The following CELF5 variants were observed in gnomAD, a reference collection of about 807,000 sequenced individuals.
The protein encoded by CELF5 is CUG-BP and ETR-3 like factor 5.
Under a neutral mutation model 54.9 loss-of-function variants are expected in CELF5, and 6 were observed. The observed-to-expected ratio is 0.11, with a 90% CI of 0.06 to 0.22. The LOEUF (loss-of-function observed/expected upper bound fraction) is 0.22. Ranked by LOEUF, CELF5 falls within the 10% of genes least tolerant of loss-of-function variation. The pLI, the probability that CELF5 is intolerant of heterozygous loss-of-function variation, is 1.00. For missense variants in CELF5, 401 were observed against 678.6 expected (o/e 0.59, Z 4.54); for synonymous variants, 271 against 290.9 (o/e 0.93, Z 0.70).
At chr19:3,229,523 A>G (rs28541344) in intron 1 of CELF5, among the ~76,000 whole-genome samples, 30,437 of 152,110 alleles carry the variant, frequency 0.2, 3,099 homozygotes, top group East Asian at 0.26. Flanking sequence ...CAGTTAGTGT[A>G]GGAGAGTCGT....
At chr19:3,271,837 G>A (rs1450664855) in intron 2 of CELF5, among the ~76,000 whole-genome samples, 1 of 152,080 alleles carries the variant, frequency 6.6e-6, no homozygotes, top group Non-Finnish European at 1.5e-5. Flanking sequence ...AGATCACGAG[G>A]GACAGAGCTC....
At chr19:3,284,841 C>G (rs1031972676) in intron 8 of CELF5, 61 bp from the exon 9 acceptor site, 3 of 1,430,686 alleles carry the variant, frequency 2.1e-6, no homozygotes, top group Non-Finnish European at 9.8e-7. Context: ...TCTTAAGGAT[C>G]GGGGGTGGAT....
At chr19:3,251,448 G>A (rs1331349541) in intron 2 of CELF5, among the ~76,000 whole-genome samples, 1 of 152,052 alleles carries the variant, frequency 6.6e-6, no homozygotes, top group East Asian at 1.9e-4. Context: ...ACAGGGAGGA[G>A]GCCCGTGTGG....
chr19:3,290,310 C>G lies in CELF5; in HGVS notation c.1266C>G (p.Pro422=). ...CGGAGCTGACGCAGATGTTCCTACC[C>G]TTCGGCAATATCATTTCCTCCAAGG... ...GDTELTQMFL[P]FGNIISSKVF... The change falls in exon 11 of 13, where the codon CCC becomes CCG. Residue 422 remains proline (P), a synonymous_variant. Coordinates refer to ENST00000292672, the MANE Select transcript of CELF5 (RefSeq NM_021938.4). 1 of 1,614,034 alleles carries G rather than the reference C, an allele frequency of 6.2e-7. No homozygotes were observed. The highest frequency in any genetic ancestry group is 8.5e-7 in the Non-Finnish European group (1 of 1,179,970).
At chr19:3,283,371 GAC>G (rs1273787873) in intron 8 of CELF5, among the ~76,000 whole-genome samples, 2 of 152,034 alleles carry the variant, frequency 1.3e-5, no homozygotes, top group African/African-American at 2.4e-5. Context: ...TAGTTTTAGA[GAC>G]AGTGTCTCAC....
intron 1 of CELF5, among the ~76,000 whole-genome samples, chr19:3,234,506 G>C (rs763339176): frequency 6.6e-6 from 1 of 152,026 alleles, no homozygotes; most frequent in Non-Finnish European, 1.5e-5. Flanking sequence ...GTGTCGAGTG[G>C]GTGGAGGCCA....
At chr19:3,231,478 A>ATGGATGGATGGATGGG (rs1283869746) in intron 1 of CELF5, among the ~76,000 whole-genome samples, 1 of 148,342 alleles carries the variant, frequency 6.7e-6, no homozygotes, top group Admixed American at 6.7e-5. Flanking sequence ...GGATGGATGG[A>ATGGATGGATGGATGGG]TGGATGGATG....
chr19:3,246,364 TCTCTCTCTCTCTCTCTGG>T (rs1280067071), intron 1 of CELF5, among the ~76,000 whole-genome samples: 1 of 145,702 alleles, frequency 6.9e-6, no homozygotes, highest in Non-Finnish European at 1.5e-5. Context: ...ACTCAGTCTC[TCTCTCTCTCTCTCTCTGG>T]CTCTCTCTCT....
chr19:3,247,043 G>A (rs1043016103), intron 1 of CELF5, among the ~76,000 whole-genome samples: 8 of 152,236 alleles, frequency 5.3e-5, no homozygotes, highest in Non-Finnish European at 1.0e-4. Flanking sequence ...ATACACGAGA[G>A]CTGGGGTGGT....
intron 1 of CELF5, among the ~76,000 whole-genome samples, chr19:3,229,117 G>C (rs1049244807): frequency 9.2e-6 from 1 of 108,150 alleles, no homozygotes; most frequent in Non-Finnish European, 1.8e-5. Context: ...TTCAGGCAAA[G>C]AGCATTTATT....
chr19:3,282,011 G>A lies in CELF5; in HGVS notation c.751-115G>A. ...TGAGCTCCAATTCTGATCTCAGCCTGAGCCAAGATACCCAGCCTGACCTCC... is the reference window on the plus strand; with the variant it reads ...TGAGCTCCAATTCTGATCTCAGCCTAAGCCAAGATACCCAGCCTGACCTCC... On this transcript the variant is annotated intron_variant, in intron 6 of 12. Coordinates refer to ENST00000292672, the MANE Select transcript of CELF5 (RefSeq NM_021938.4). The surrounding 1 kb of genome is among the most constrained non-coding windows in gnomAD (Gnocchi z 5.2). The A allele has an allele frequency of 8.5e-7, 1 of 1,179,806 alleles. No homozygotes were observed. Among genetic ancestry groups the A allele is most frequent in the Non-Finnish European group, 1.2e-6 (1 of 809,358 alleles). The allele number at this position is 1,179,806 out of a possible 1,614,324, so 73.1% of individuals were successfully genotyped here.
rs535671757 is a variant in CELF5, at chr19:3,263,787, T to C, written c.343-10085T>C. ...GGGCGTGGTGGTGGGCACCTGTGATTCCAGCTACTCAGGAGGCTGAAGAAG... is the reference window on the plus strand; with the variant it reads ...GGGCGTGGTGGTGGGCACCTGTGATCCCAGCTACTCAGGAGGCTGAAGAAG... On this transcript the variant is annotated intron_variant, in intron 2 of 12. Transcript: ENST00000292672. Among the ~76,000 whole-genome samples the C allele has an allele frequency of 4.3e-4, 64 of 149,744 alleles. No individual in the cohort carries two copies. The East Asian group carries it at 0.012, about 28-fold the overall frequency.
At position 3,264,419 on chromosome 19, in the gene CELF5, C is replaced by CT. The variant is rs1019093045; in HGVS notation, c.343-9441dup. Reference sequence around the variant, plus strand: ...TTTTCTTTTTCTTTTTCTTTTCTTTCTTTTTTTTTTTTAAGAGACGGAGTC... The same window carrying CT: ...TTTTCTTTTTCTTTTTCTTTTCTTTCTTTTTTTTTTTTTAAGAGACGGAGTC... On this transcript the variant is annotated intron_variant, in intron 2 of 12. Transcript: ENST00000292672. Among the ~76,000 whole-genome samples the CT allele has an allele frequency of 8.8e-4, 114 of 129,228 alleles. No individual in the cohort carries two copies. In the Middle Eastern group the frequency reaches 0.012, roughly 14 times the overall value. 84.8% of individuals were successfully genotyped at this position (129,228 alleles called of 152,430 possible). A position where few individuals can be genotyped will look rare whatever the true frequency, so the allele number is the denominator to read the frequency against.
At chr19:3,285,066 C>A in intron 9 of CELF5, 102 bp downstream of exon 9, 2 of 891,908 alleles carry the variant, frequency 2.2e-6, no homozygotes, top group Non-Finnish European at 3.5e-6. Flanking sequence ...CTGTGCCTAG[C>A]CGCGCCTCCT....
At chr19:3,256,936 G>A (rs2079736337) in intron 2 of CELF5, among the ~76,000 whole-genome samples, 1 of 152,038 alleles carries the variant, frequency 6.6e-6, no homozygotes, top group Non-Finnish European at 1.5e-5. Context: ...CACAATCATA[G>A]CTCATAGCAC....
chr19:3,226,449 C>CACACAG (rs1916919798), intron 1 of CELF5, among the ~76,000 whole-genome samples: 1 of 145,146 alleles, frequency 6.9e-6, no homozygotes, highest in African/African-American at 2.8e-5. Context: ...ATCACACACA[C>CACACAG]ACACACACAC....
intron 1 of CELF5, among the ~76,000 whole-genome samples, chr19:3,238,391 C>T (rs1196000720): frequency 6.6e-6 from 1 of 152,164 alleles, no homozygotes; most frequent in African/African-American, 2.4e-5. Flanking sequence ...GGGTTCCTAC[C>T]TGGGTTTGTT....
chr19:3,285,050 G>T (rs1467407715), intron 9 of CELF5, 86 bp downstream of exon 9: 1 of 1,046,384 alleles, frequency 9.6e-7, no homozygotes. Context: ...CGGACGTGTC[G>T]TTCTTCTGTG....
At chr19:3,258,880 A>C (rs2079768789) in intron 2 of CELF5, among the ~76,000 whole-genome samples, 1 of 152,036 alleles carries the variant, frequency 6.6e-6, no homozygotes. Flanking sequence ...CAAAGCGCTG[A>C]GATTACAGAC....
Sources: gnomAD v4.1 joint callset for allele counts (sites outside exome capture counted in the v4.1 genomes callset) on GRCh38, gnomAD v4.1.1 for gene constraint, Gnocchi (gnomAD v3.1) non-coding constraint, MANE v1.5 for transcripts, NCBI Gene and HGNC (gene_info 2026-07-23, HGNC 2026-07-21) for gene names.